Variants in CCNI observed in about 807,000 individuals in gnomAD.
CCNI encodes the protein cyclin I, also known as cyclin-I.
A neutral mutation model predicts 34.1 loss-of-function variants in CCNI; 14 were observed. The observed-to-expected ratio is 0.41, with a 90% CI of 0.27 to 0.64. CCNI has a LOEUF of 0.64. Among genes scored for constraint, CCNI ranks in the 30% least tolerant of loss-of-function variants. The probability of loss-of-function intolerance (pLI) is 0.31; values close to 1 mark genes in which losing one functional copy is unlikely to be tolerated. For synonymous variants in CCNI, 154 were observed against 158.4 expected (o/e 0.97, Z 0.21); for missense variants, 385 against 440.5 (o/e 0.87, Z 1.13).
chr4:77,072,664 AAAG>A (rs1185833540), intron 1 of CCNI, among the ~76,000 whole-genome samples: 4 of 150,920 alleles, frequency 2.7e-5, no homozygotes, highest in East Asian at 3.9e-4. Flanking sequence ...AAAAAAAAGA[AAAG>A]AAACGAAACT....
chr4:77,069,429 T>A (rs773241356), intron 1 of CCNI, among the ~76,000 whole-genome samples: 41 of 145,682 alleles, frequency 2.8e-4, no homozygotes, highest in Admixed American at 6.8e-4. Context: ...AATATCATTT[T>A]TATATATATA....
chr4:77,065,411 T>C (rs1291729747), intron 2 of CCNI, among the ~76,000 whole-genome samples: 1 of 152,216 alleles, frequency 6.6e-6, no homozygotes, highest in Admixed American at 6.5e-5. Context: ...TTCACAGTTA[T>C]TTGTGAAAAA....
chr4:77,067,828 C>G (rs1411096462), intron 1 of CCNI, among the ~76,000 whole-genome samples: 1 of 129,086 alleles, frequency 7.7e-6, no homozygotes, highest in Non-Finnish European at 1.6e-5. Flanking sequence ...AAGAAGCAAA[C>G]TACAGACTTG....
In CCNI at chr4:77,067,790, TAAAAAAAA is replaced by T. The variant is rs375815113; in HGVS notation, c.-43-1393_-43-1386del. Among the ~76,000 whole-genome samples, 824 of 98,682 alleles carry T rather than the reference TAAAAAAAA, an allele frequency of 8.4e-3. 18 individuals carry two copies. Among genetic ancestry groups the T allele is most frequent in the African/African-American group, 0.031 (760 of 24,472 alleles). The allele number at this position is 98,682 out of a possible 152,430, so 64.7% of individuals were successfully genotyped here. Reference sequence around the variant, plus strand: ...GAGCCACCGTGCAGGCTTCTAGGTTTAAAAAAAAAAAAAAAAAAAAAAAAAAAAAGAAG... The same window carrying T: ...GAGCCACCGTGCAGGCTTCTAGGTTTAAAAAAAAAAAAAAAAAAAAAGAAG... On this transcript the variant is annotated intron_variant, in intron 1 of 6. Coordinates refer to ENST00000237654, the MANE Select transcript of CCNI (RefSeq NM_006835.3).
In CCNI at chr4:77,075,665, GCT is replaced by G. The variant is rs2109865427; in HGVS notation, c.-239_-238del. 1.5e-6 allele frequency: 1 copy of G among 685,366 alleles called. No individual in the cohort carries two copies. The highest frequency in any genetic ancestry group is 6.5e-5 in the South Asian group (1 of 15,478). The allele number at this position is 685,366 out of a possible 1,614,324, so 42.5% of individuals were successfully genotyped here. A position where few individuals can be genotyped will look rare whatever the true frequency, so the allele number is the denominator to read the frequency against. On this transcript the variant is annotated 5_prime_UTR_variant, in exon 1 of 7. Transcript: ENST00000237654. Reference sequence around the variant, plus strand: ...GGGGGGCGCGGGCGCGGGCGCTGGCGCTCGAGCGGGACGCACGGCTGCGGCCG... The same window carrying G: ...GGGGGGCGCGGGCGCGGGCGCTGGCGCGAGCGGGACGCACGGCTGCGGCCG...
chr4:77,065,498 C>A (rs1296081433), intron 2 of CCNI, among the ~76,000 whole-genome samples: 1 of 152,194 alleles, frequency 6.6e-6, no homozygotes, highest in African/African-American at 2.4e-5. Context: ...GACCAGCTGG[C>A]TATCTTCTAA....
rs1302198866 is a variant in CCNI, at chr4:77,047,334, G to A, written c.*885C>T. 1.3e-5 allele frequency: 2 copies of A among 152,060 alleles called. No individual in the cohort carries two copies. Among genetic ancestry groups the A allele is most frequent in the Non-Finnish European group, 2.9e-5 (2 of 68,012 alleles). The allele number at this position is 152,060 out of a possible 1,614,324, so 9.4% of individuals were successfully genotyped here. On this transcript the variant is annotated 3_prime_UTR_variant, in exon 7 of 7. Coordinates refer to ENST00000237654, the MANE Select transcript of CCNI (RefSeq NM_006835.3). ...AAATCCTAATAGCTTAACAAAACTAGGGTACTAAATTCAGTTATAACATGT... is the reference window on the plus strand; with the variant it reads ...AAATCCTAATAGCTTAACAAAACTAAGGTACTAAATTCAGTTATAACATGT...
chr4:77,062,247 T>C (rs1728663100), intron 2 of CCNI, among the ~76,000 whole-genome samples: 1 of 152,198 alleles, frequency 6.6e-6, no homozygotes, highest in African/African-American at 2.4e-5. Flanking sequence ...CAGCATCTCA[T>C]TACACCTGTT....
Position 77,069,694 on chromosome 4 carries a change from C to T in CCNI, c.-43-3289G>A, listed in dbSNP as rs4252810. 6.2e-3 allele frequency among the ~76,000 whole-genome samples: 928 copies of T among 149,478 alleles called. 8 individuals carry two copies. Among genetic ancestry groups the T allele is most frequent in the Non-Finnish European group, 6.8e-3 (462 of 67,690 alleles). ...CTGTGTCCACAGCACAGTACTTCGA[C>T]GGAACAGAGACCCAACCAATTGTTC... On this transcript the variant is annotated intron_variant, in intron 1 of 6. Transcript: ENST00000237654.
chr4:77,073,064 G>T (rs1729607178), intron 1 of CCNI, among the ~76,000 whole-genome samples: 1 of 152,154 alleles, frequency 6.6e-6, no homozygotes, highest in Non-Finnish European at 1.5e-5. Context: ...TACAATTTTA[G>T]TTTTAACAGA....
intron 1 of CCNI, 125 bp downstream of exon 1, chr4:77,075,347 C>A (rs992761680): frequency 4.8e-6 from 1 of 206,294 alleles, no homozygotes; most frequent in Non-Finnish European, 8.5e-6. Context: ...GGGTGGGTCT[C>A]CGGCGAGCAG....
intron 1 of CCNI, among the ~76,000 whole-genome samples, chr4:77,068,665 T>C (rs577989975): frequency 1.3e-5 from 2 of 151,836 alleles, no homozygotes; most frequent in South Asian, 2.1e-4. Context: ...TATGTATCTG[T>C]ATTACACACT....
rs1727560862 is a variant in CCNI at position 77,048,160 on chromosome 4, T to C, written c.*59A>G. ...TTCTACAGCCTTTCCTGATTTTGCA[T>C]GTTCTCATTCCCAAAGTAGTCTACC... On this transcript the variant is annotated 3_prime_UTR_variant, in exon 7 of 7. Transcript: ENST00000237654. 23 of 1,331,446 alleles carry C rather than the reference T, an allele frequency of 1.7e-5. No individual in the cohort carries two copies. The highest frequency in any genetic ancestry group is 2.2e-5 in the Non-Finnish European group (21 of 952,820). The allele number at this position is 1,331,446 out of a possible 1,614,324, so 82.5% of individuals were successfully genotyped here.
At chr4:77,056,197 A>G in intron 4 of CCNI, 52 bp downstream of exon 4, 1 of 1,594,830 alleles carries the variant, frequency 6.3e-7, no homozygotes, top group East Asian at 2.2e-5. Context: ...AAGTTAATAA[A>G]TGTGGAGAGA....
intron 2 of CCNI, among the ~76,000 whole-genome samples, chr4:77,060,885 A>G (rs1302041641): frequency 6.6e-6 from 1 of 152,026 alleles, no homozygotes; most frequent in African/African-American, 2.4e-5. Flanking sequence ...TCAGCCTCCC[A>G]AAGTGCTGGG....
chr4:77,049,551 G>A (rs1369216168), intron 6 of CCNI, among the ~76,000 whole-genome samples: 7 of 152,020 alleles, frequency 4.6e-5, no homozygotes, highest in Non-Finnish European at 5.9e-5. Flanking sequence ...GGTGGCAGAT[G>A]CCTGTAATCC....
chr4:77,060,962 T>A (rs1646345048), intron 2 of CCNI, among the ~76,000 whole-genome samples: 2 of 152,076 alleles, frequency 1.3e-5, no homozygotes, highest in South Asian at 4.1e-4. Context: ...TCTCACTATG[T>A]TACCCAGGCT....
At chr4:77,054,451 T>TC (rs1156780872) in intron 6 of CCNI, among the ~76,000 whole-genome samples, 5 of 152,190 alleles carry the variant, frequency 3.3e-5, no homozygotes, top group African/African-American at 4.8e-5. Context: ...AGATCTAAAC[T>TC]CGGTAAGTTC....
At chr4:77,072,448 C>G (rs2109852672) in intron 1 of CCNI, among the ~76,000 whole-genome samples, 1 of 112,366 alleles carries the variant, frequency 8.9e-6, no homozygotes, top group East Asian at 2.4e-4. Context: ...ATCCCTGTCT[C>G]CACCAAAAAA....
Sources: gnomAD v4.1 joint callset for allele counts (sites outside exome capture counted in the v4.1 genomes callset) on GRCh38, gnomAD v4.1.1 for gene constraint, MANE v1.5 for transcripts, NCBI Gene and HGNC (gene_info 2026-07-23, HGNC 2026-07-21) for gene names.